The following HSD17B11 variants were observed in gnomAD, a reference collection of about 807,000 sequenced individuals.
HSD17B11 encodes the protein estradiol 17-beta-dehydrogenase 11.
HSD17B11 carries 22 observed loss-of-function variants against 27.8 expected under a neutral mutation model. The ratio of observed to expected loss-of-function variants is 0.79; its 90% CI spans 0.56 to 1.13. HSD17B11 has a LOEUF of 1.13. Among genes scored for constraint, HSD17B11 ranks in the 50% most tolerant of loss-of-function variants. The pLI is 0.00. For missense variants in HSD17B11, 314 were observed against 351.1 expected, an observed-to-expected ratio of 0.89 and a Z score of 0.84; for synonymous variants, 117 against 132.8, an observed-to-expected ratio of 0.88 and a Z score of 0.82.
chr4:87,367,091 A>C (rs1735624633), intron 4 of HSD17B11, among the ~76,000 whole-genome samples: 1 of 152,240 alleles, frequency 6.6e-6, no homozygotes, highest in African/African-American at 2.4e-5. Flanking sequence ...AATGGAAACC[A>C]ATTGTAAGTA....
At position 87,382,908 on chromosome 4, in the gene HSD17B11, A is replaced by G. The variant is rs560766533; in HGVS notation, c.211-546T>C. Among the ~76,000 whole-genome samples, 52 of 152,370 alleles carry G rather than the reference A, an allele frequency of 3.4e-4. No homozygotes were observed. The South Asian group carries it at 0.01, about 30-fold the overall frequency. On this transcript the variant is annotated intron_variant, in intron 1 of 6. Coordinates refer to ENST00000358290, the MANE Select transcript of HSD17B11 (RefSeq NM_016245.5). ...AGTTCTCTGTGTAGTAGAAAGAAAC[A>G]TAAGTATCATAGTTAAGTAGGACCA...
At chr4:87,359,683 G>A (rs918782575) in intron 4 of HSD17B11, among the ~76,000 whole-genome samples, 4 of 152,102 alleles carry the variant, frequency 2.6e-5, no homozygotes, top group South Asian at 4.1e-4. Context: ...TAATTATTTT[G>A]TTTAATCTTC....
rs149657514 is a variant in HSD17B11 at position 87,377,870 on chromosome 4, G to T, written c.319-3040C>A. 5.4e-3 allele frequency among the ~76,000 whole-genome samples: 828 copies of T among 152,294 alleles called. 6 individuals carry two copies. Among genetic ancestry groups the T allele is most frequent in the Non-Finnish European group, 9.8e-3 (666 of 68,028 alleles). On this transcript the variant is annotated intron_variant, in intron 2 of 6. Transcript: ENST00000358290. ...CTTTTACTTTGTTATGCATTTACATGATTTCATTATTTTTCTTATTGAATT... is the reference window on the plus strand; with the variant it reads ...CTTTTACTTTGTTATGCATTTACATTATTTCATTATTTTTCTTATTGAATT...
At chr4:87,358,414 G>A (rs1392039374) in intron 4 of HSD17B11, among the ~76,000 whole-genome samples, 1 of 152,046 alleles carries the variant, frequency 6.6e-6, no homozygotes, top group East Asian at 1.9e-4. Flanking sequence ...AATGCAAAGC[G>A]TTTATTTTAA....
At chr4:87,353,325 G>A (rs912488183) in intron 5 of HSD17B11, among the ~76,000 whole-genome samples, 7 of 152,186 alleles carry the variant, frequency 4.6e-5, no homozygotes, top group African/African-American at 1.7e-4. Context: ...ACTGAAGAGG[G>A]ACTAATAACA....
chr4:87,342,589 A>G (rs1176338445), intron 5 of HSD17B11, among the ~76,000 whole-genome samples: 2 of 152,134 alleles, frequency 1.3e-5, no homozygotes, highest in Non-Finnish European at 2.9e-5. Context: ...TTAGAAATAA[A>G]TAAAGAATAA....
At chr4:87,362,149 G>C (rs1172409248) in intron 4 of HSD17B11, among the ~76,000 whole-genome samples, 1 of 152,198 alleles carries the variant, frequency 6.6e-6, no homozygotes, top group Admixed American at 6.5e-5. Flanking sequence ...TGGGTTACAG[G>C]TCCTTCTTAA....
chr4:87,363,411 C>G (rs1442295322), intron 4 of HSD17B11, among the ~76,000 whole-genome samples: 1 of 152,036 alleles, frequency 6.6e-6, no homozygotes, highest in South Asian at 2.1e-4. Context: ...TTCGTTTTTC[C>G]GTGTAGAGGG....
intron 1 of HSD17B11, among the ~76,000 whole-genome samples, chr4:87,382,984 A>C (rs1220250629): frequency 2.0e-5 from 3 of 152,218 alleles, no homozygotes; most frequent in Non-Finnish European, 4.4e-5. Context: ...TGGCAGTTTC[A>C]ACCTAATACA....
intron 1 of HSD17B11, among the ~76,000 whole-genome samples, chr4:87,388,614 C>A (rs542805796): frequency 6.6e-6 from 1 of 152,334 alleles, no homozygotes; most frequent in South Asian, 2.1e-4. Context: ...CATATAGAGT[C>A]TTTTATCTAC....
At chr4:87,368,668 C>T (rs2110123009) in intron 4 of HSD17B11, among the ~76,000 whole-genome samples, 1 of 152,196 alleles carries the variant, frequency 6.6e-6, no homozygotes, top group East Asian at 1.9e-4. Flanking sequence ...GATAGGAGGT[C>T]AGCACAAAAT....
chr4:87,375,584 A>T (rs907010017), intron 2 of HSD17B11, among the ~76,000 whole-genome samples: 6 of 152,334 alleles, frequency 3.9e-5, no homozygotes, highest in South Asian at 4.1e-4. Context: ...TCTACTAAAA[A>T]TACAAAATTA....
intron 4 of HSD17B11, among the ~76,000 whole-genome samples, chr4:87,361,574 T>C (rs963396926): frequency 1.6e-4 from 24 of 152,116 alleles, no homozygotes; most frequent in Admixed American, 3.3e-4. Context: ...GAGACCATCC[T>C]GGCTAACACA....
At chr4:87,381,601 A>C (rs761585920) in intron 2 of HSD17B11, among the ~76,000 whole-genome samples, 18 of 151,768 alleles carry the variant, frequency 1.2e-4, no homozygotes, top group Non-Finnish European at 1.9e-4. Context: ...TCTACCAAAA[A>C]TACAAAAAAT....
At chr4:87,361,900 G>A (rs1345823166) in intron 4 of HSD17B11, among the ~76,000 whole-genome samples, 2 of 152,202 alleles carry the variant, frequency 1.3e-5, no homozygotes, top group Admixed American at 6.5e-5. Context: ...CAACCACGAA[G>A]GGACTAAAGT....
chr4:87,378,599 G>T (rs1208077608), intron 2 of HSD17B11, among the ~76,000 whole-genome samples: 1 of 150,276 alleles, frequency 6.7e-6, no homozygotes, highest in Admixed American at 6.7e-5. Context: ...CTAACTCACA[G>T]GCAGTGCAAC....
intron 4 of HSD17B11, among the ~76,000 whole-genome samples, chr4:87,362,470 G>A (rs761791733): frequency 1.3e-5 from 2 of 152,252 alleles, no homozygotes; most frequent in Admixed American, 6.5e-5. Flanking sequence ...AGGTTGCAGT[G>A]AGCCGAGATT....
chr4:87,343,485 G>A lies in HSD17B11; in HGVS notation c.696-2879C>T, dbSNP rs191609838. Among the ~76,000 whole-genome samples, 13 of 151,384 alleles carry A rather than the reference G, an allele frequency of 8.6e-5. No individual in the cohort carries two copies. In the East Asian group the frequency reaches 2.5e-3, roughly 30 times the overall value. On this transcript the variant is annotated intron_variant, in intron 5 of 6. Coordinates refer to ENST00000358290, the MANE Select transcript of HSD17B11 (RefSeq NM_016245.5). ...AAGGAGTATTTTCGTCTGAAGGATT[G>A]TATTTGATGACCTACTTTAACCACT...
intron 1 of HSD17B11, 45 bp from the exon 2 acceptor site, chr4:87,382,407 A>G (rs755912898): frequency 4.5e-6 from 5 of 1,102,832 alleles, no homozygotes; most frequent in African/African-American, 3.1e-5. Flanking sequence ...TGATATGAAC[A>G]TATTATATCG....
Sources: gnomAD v4.1 joint callset for allele counts (sites outside exome capture counted in the v4.1 genomes callset) on GRCh38, gnomAD v4.1.1 for gene constraint, MANE v1.5 for transcripts, NCBI Gene and HGNC (gene_info 2026-07-23, HGNC 2026-07-21) for gene names.